Variants in GABRG3 observed in about 807,000 individuals in gnomAD.
The protein encoded by GABRG3 is gamma-aminobutyric acid type A receptor subunit gamma3.
In GABRG3, 25 loss-of-function variants were observed where a neutral mutation model predicts 48.8. The ratio of observed to expected loss-of-function variants is 0.51; its 90% CI spans 0.37 to 0.72. The LOEUF (loss-of-function observed/expected upper bound fraction) is 0.72. GABRG3 is among the 30% of genes least tolerant of loss of function. The pLI, the probability that GABRG3 is intolerant of heterozygous loss-of-function variation, is 0.00. For missense variants in GABRG3, 394 were observed against 577.9 expected (o/e 0.68, Z 3.26); for synonymous variants, 227 against 217.6 (o/e 1.04, Z -0.38).
intron 5 of GABRG3, among the ~76,000 whole-genome samples, chr15:27,339,960 C>T (rs993489909): frequency 4.6e-5 from 7 of 152,032 alleles, no homozygotes; most frequent in East Asian, 1.9e-4. Flanking sequence ...AGGGAGGAGG[C>T]GTTGGGGCAG....
At chr15:27,469,440 A>G (rs1017830839) in intron 5 of GABRG3, among the ~76,000 whole-genome samples, 2 of 152,056 alleles carry the variant, frequency 1.3e-5, no homozygotes, top group African/African-American at 4.8e-5. Context: ...TCTTAGGTTC[A>G]AGCGATTCTC....
Position 27,527,416 on chromosome 15 carries a change from A to G in GABRG3, c.866-17A>G, listed in dbSNP as rs1891303874. ...GTGTTGCACCCTTTTACAACATGCT[A>G]CCCGTCCCCTGTTCAGGCATCACCA... On this transcript the variant is annotated splice_polypyrimidine_tract_variant and intron_variant, in intron 7 of 9. Transcript: ENST00000615808. 6.2e-7 allele frequency: 1 copy of G among 1,609,646 alleles called. No individual in the cohort carries two copies.
intron 3 of GABRG3, among the ~76,000 whole-genome samples, chr15:27,076,242 C>T (rs980140361): frequency 6.6e-6 from 1 of 151,914 alleles, no homozygotes; most frequent in African/African-American, 2.4e-5. Context: ...CCAAAACATC[C>T]ATGCCAAATC....
chr15:27,523,519 A>G (rs1249339176), intron 7 of GABRG3, among the ~76,000 whole-genome samples: 1 of 151,884 alleles, frequency 6.6e-6, no homozygotes, highest in Non-Finnish European at 1.5e-5. Context: ...ATCATATCAA[A>G]AAGAAAATGC....
rs1166117697 is a variant in GABRG3 at position 27,307,050 on chromosome 15, T to TATATATAAAC, written c.271-19756_271-19747dup. Among the ~76,000 whole-genome samples, 123 of 125,274 alleles carry TATATATAAAC rather than the reference T, an allele frequency of 9.8e-4. 7 individuals are homozygous for TATATATAAAC. The highest frequency in any genetic ancestry group is 4.0e-3 in the African/African-American group (119 of 30,034). 82.2% of individuals were successfully genotyped at this position (125,274 alleles called of 152,430 possible). On this transcript the variant is annotated intron_variant, in intron 3 of 9. Coordinates refer to ENST00000615808, the MANE Select transcript of GABRG3 (RefSeq NM_033223.5). ...TAAACATGTATAAAATAAACATGTT[T>TATATATAAAC]ATATATAAACATGTATAATATAAAC... is the stretch of plus-strand genomic sequence containing the variant.
chr15:27,311,076 C>T (rs754172681), intron 3 of GABRG3, among the ~76,000 whole-genome samples: 4 of 152,142 alleles, frequency 2.6e-5, no homozygotes, highest in Non-Finnish European at 5.9e-5. Flanking sequence ...ATTTTAAAAG[C>T]ACTATTCACA....
At chr15:27,401,657 C>T (rs1887478614) in intron 5 of GABRG3, among the ~76,000 whole-genome samples, 1 of 152,206 alleles carries the variant, frequency 6.6e-6, no homozygotes, top group South Asian at 2.1e-4. Context: ...TCTTGACCTT[C>T]TTCCATGCTC....
intron 2 of GABRG3, among the ~76,000 whole-genome samples, chr15:26,984,730 C>T (rs937859990): frequency 6.6e-6 from 1 of 152,164 alleles, no homozygotes; most frequent in African/African-American, 2.4e-5. Flanking sequence ...GTAAATTTCA[C>T]TTCCTTCAGG....
intron 3 of GABRG3, among the ~76,000 whole-genome samples, chr15:27,224,861 A>G (rs1211879819): frequency 2.6e-5 from 4 of 151,686 alleles, no homozygotes; most frequent in Non-Finnish European, 5.9e-5. Flanking sequence ...CACAAGGCTA[A>G]GCATTTCATA....
At chr15:27,512,507 C>A (rs1341067326) in intron 6 of GABRG3, among the ~76,000 whole-genome samples, 1 of 152,148 alleles carries the variant, frequency 6.6e-6, no homozygotes, top group Admixed American at 6.5e-5. Flanking sequence ...TTTTGAAATG[C>A]CTGTTATACC....
At chr15:27,479,007 T>C (rs1419838992) in intron 5 of GABRG3, among the ~76,000 whole-genome samples, 1 of 151,898 alleles carries the variant, frequency 6.6e-6, no homozygotes, top group African/African-American at 2.4e-5. Flanking sequence ...GGGTGGTGGA[T>C]GTGGGCAGGA....
intron 5 of GABRG3, among the ~76,000 whole-genome samples, chr15:27,369,516 C>T (rs1895322986): frequency 6.6e-6 from 1 of 152,162 alleles, no homozygotes; most frequent in Non-Finnish European, 1.5e-5. Context: ...ATGGGCTCTC[C>T]ACTATGAAAT....
In GABRG3 at chr15:26,982,222, A is replaced by G. The variant is rs143721201; in HGVS notation, c.202+5072A>G. Among the ~76,000 whole-genome samples the G allele has an allele frequency of 5.1e-3, 772 of 152,286 alleles. 15 individuals are homozygous for G. Among genetic ancestry groups the G allele is most frequent in the Admixed American group, 0.033 (501 of 15,298 alleles). On this transcript the variant is annotated intron_variant, in intron 2 of 9. Coordinates refer to ENST00000615808, the MANE Select transcript of GABRG3 (RefSeq NM_033223.5). ...AGAGATGCTTTAGAATATGTTACTA[A>G]TTTCCTCCTTGATTGTCAGACACTG... is the stretch of plus-strand genomic sequence containing the variant.
At chr15:27,094,896 CAACA>C in intron 3 of GABRG3, among the ~76,000 whole-genome samples, 1 of 152,190 alleles carries the variant, frequency 6.6e-6, no homozygotes, top group Middle Eastern at 3.4e-3. Flanking sequence ...TATATTATGA[CAACA>C]AACATACACA....
At chr15:27,511,455 G>A (rs1317178438) in intron 6 of GABRG3, among the ~76,000 whole-genome samples, 2 of 152,196 alleles carry the variant, frequency 1.3e-5, no homozygotes, top group Non-Finnish European at 2.9e-5. Flanking sequence ...AAAGAGATTA[G>A]CTATACTGCT....
rs916352544 is a variant in GABRG3, at chr15:26,976,403, G to C, written c.54-599G>C. Among the ~76,000 whole-genome samples the C allele has an allele frequency of 6.6e-6, 1 of 152,242 alleles. No homozygotes were observed. Among genetic ancestry groups the C allele is most frequent in the Non-Finnish European group, 1.5e-5 (1 of 68,048 alleles). On this transcript the variant is annotated intron_variant, in intron 1 of 9. Coordinates refer to ENST00000615808, the MANE Select transcript of GABRG3 (RefSeq NM_033223.5). The surrounding 1 kb of genome is among the most constrained non-coding windows in gnomAD (Gnocchi z 7.8). Reference sequence around the variant, plus strand: ...CAAGATTGCTAGAGGGTCTTCACCAGTCATCAGCGAACATCGCTGTCCTTG... The same window carrying C: ...CAAGATTGCTAGAGGGTCTTCACCACTCATCAGCGAACATCGCTGTCCTTG...
intron 5 of GABRG3, among the ~76,000 whole-genome samples, chr15:27,445,633 T>C (rs1310215052): frequency 6.6e-6 from 1 of 152,210 alleles, no homozygotes; most frequent in Non-Finnish European, 1.5e-5. Flanking sequence ...ATTCTGAGCA[T>C]CATTTTTTCT....
chr15:27,041,003 A>G (rs1430646704), intron 3 of GABRG3, among the ~76,000 whole-genome samples: 1 of 151,788 alleles, frequency 6.6e-6, no homozygotes, highest in Non-Finnish European at 1.5e-5. Context: ...CTCTTCCAAT[A>G]TCCAACATTC....
Position 27,256,180 on chromosome 15 carries a change from T to G in GABRG3, c.271-70629T>G, listed in dbSNP as rs144174401. 6.4e-3 allele frequency among the ~76,000 whole-genome samples: 978 copies of G among 152,164 alleles called. 13 individuals are homozygous for G. The highest frequency in any genetic ancestry group is 0.022 in the African/African-American group (913 of 41,532). On this transcript the variant is annotated intron_variant, in intron 3 of 9. Coordinates refer to ENST00000615808, the MANE Select transcript of GABRG3 (RefSeq NM_033223.5). ...CAGAGGGGCCGGGTGTGGTGGCTCA[T>G]GCCTGTAATCCCAGCACTTTGGGAG...
Sources: gnomAD v4.1 joint callset for allele counts (sites outside exome capture counted in the v4.1 genomes callset) on GRCh38, gnomAD v4.1.1 for gene constraint, Gnocchi (gnomAD v3.1) non-coding constraint, MANE v1.5 for transcripts, NCBI Gene and HGNC (gene_info 2026-07-23, HGNC 2026-07-21) for gene names.